The following ADGRV1 variants were observed in gnomAD, a reference collection of about 807,000 sequenced individuals.
ADGRV1 encodes the protein adhesion G protein-coupled receptor V1.
Under a neutral mutation model 596.2 loss-of-function variants are expected in ADGRV1, and 359 were observed. The ratio of observed to expected loss-of-function variants is 0.60; its 90% CI spans 0.55 to 0.66. The LOEUF (loss-of-function observed/expected upper bound fraction) is 0.66, where lower values mean the gene tolerates loss of function less well. ADGRV1 is among the 30% of genes least tolerant of loss of function. ADGRV1 has a pLI of 0.00. For synonymous variants in ADGRV1, 2,681 were observed against 2,679.2 expected, an observed-to-expected ratio of 1.00 and a Z score of -0.02; for missense variants, 7,274 against 7,575.6, an observed-to-expected ratio of 0.96 and a Z score of 1.48.
Position 90,985,368 on chromosome 5 carries a change from G to C in ADGRV1, c.17998G>C (p.Val6000Leu), listed in dbSNP as rs767259676. The C allele has an allele frequency of 5.0e-6, 8 of 1,612,608 alleles. No individual in the cohort carries two copies. Among genetic ancestry groups the C allele is most frequent in the Non-Finnish European group, 6.8e-6 (8 of 1,179,184 alleles). The change falls in exon 85 of 90, where the codon GTG becomes CTG. Residue 6000 changes from valine to leucine, a missense_variant. By Grantham distance (32) the Val-to-Leu change is conservative. Around this residue, in one of 5 missense-constraint regions of ADGRV1, gnomAD observed 1,874 missense variants for 1,970.2 expected, o/e 0.95. Coordinates refer to ENST00000405460, the MANE Select transcript of ADGRV1 (RefSeq NM_032119.4). ...GTCTGTGAATTTCTGGTACGTGCTGGTGATGAATGATGAGCACACAGAGAG... is the reference window on the plus strand; with the variant it reads ...GTCTGTGAATTTCTGGTACGTGCTGCTGATGAATGATGAGCACACAGAGAG... ...IQSVNFWYVL[V>L]MNDEHTERRY...
intron 86 of ADGRV1, among the ~76,000 whole-genome samples, chr5:91,076,779 A>G (rs1271714238): frequency 6.6e-6 from 1 of 152,176 alleles, no homozygotes; most frequent in African/African-American, 2.4e-5. Context: ...TATATTCAAC[A>G]TACTATAACT....
intron 86 of ADGRV1, among the ~76,000 whole-genome samples, chr5:91,082,422 G>A (rs1030080541): frequency 3.9e-5 from 6 of 152,064 alleles, no homozygotes; most frequent in Non-Finnish European, 8.8e-5. Context: ...AATCTCCTGG[G>A]CTCAAGAGAT....
rs1210058664 is a variant in ADGRV1 at position 90,807,605 on chromosome 5, G to T, written c.14840G>T (p.Ser4947Ile). Residue 4947 changes from serine (S) to isoleucine (I), a missense_variant, in exon 73 of 90, where the codon AGC becomes ATC. Ser to Ile is a moderately radical substitution (Grantham distance 142). Transcript: ENST00000405460. The part of the protein sequence containing the change: ...VVGNMTPTLG[S>I]LSFSHGEQRK... ...GCTTTTTCATGTTTTCTTTCAGGGAGCCTTTCATTTTCCCACGGTGAACAA... is the reference window on the plus strand; with the variant it reads ...GCTTTTTCATGTTTTCTTTCAGGGATCCTTTCATTTTCCCACGGTGAACAA... The T allele has an allele frequency of 4.3e-6, 7 of 1,610,510 alleles. No homozygotes were observed. Among genetic ancestry groups the T allele is most frequent in the Non-Finnish European group, 4.2e-6 (5 of 1,177,808 alleles).
chr5:91,079,945 G>A (rs1789195447), intron 86 of ADGRV1, among the ~76,000 whole-genome samples: 1 of 152,120 alleles, frequency 6.6e-6, no homozygotes, highest in South Asian at 2.1e-4. Flanking sequence ...TTTGCACCTT[G>A]GTGGTCCACA....
chr5:90,978,473 G>T (rs927159719), intron 84 of ADGRV1, among the ~76,000 whole-genome samples: 1 of 151,848 alleles, frequency 6.6e-6, no homozygotes, highest in Non-Finnish European at 1.5e-5. Context: ...GTTAATGGGC[G>T]CAAAAATATA....
At chr5:90,999,097 T>G (rs886769969) in intron 85 of ADGRV1, among the ~76,000 whole-genome samples, 4 of 152,040 alleles carry the variant, frequency 2.6e-5, no homozygotes, top group African/African-American at 9.7e-5. Flanking sequence ...GCTTTGTTCT[T>G]GCTCTTTTCT....
At chr5:90,960,074 G>A (rs1777863716) in intron 83 of ADGRV1, among the ~76,000 whole-genome samples, 2 of 150,964 alleles carry the variant, frequency 1.3e-5, no homozygotes, top group Admixed American at 1.3e-4. Context: ...AGGAGGTGGA[G>A]CTTGCAGTGA....
At chr5:91,106,138 T>A (rs1442140284) in intron 87 of ADGRV1, among the ~76,000 whole-genome samples, 1 of 152,100 alleles carries the variant, frequency 6.6e-6, no homozygotes, top group African/African-American at 2.4e-5. Flanking sequence ...TTGGTTTTTG[T>A]ATAGGGTGAG....
At chr5:90,898,774 G>A (rs1264189530) in intron 83 of ADGRV1, among the ~76,000 whole-genome samples, 3 of 151,928 alleles carry the variant, frequency 2.0e-5, no homozygotes, top group African/African-American at 4.8e-5. Flanking sequence ...GTGAGACCCT[G>A]TCTCTACAAA....
rs1766179569 is a variant in ADGRV1 at position 90,848,833 on chromosome 5, T to C, written c.17204+12T>C. On this transcript the variant is annotated intron_variant, in intron 79 of 89. Coordinates refer to ENST00000405460, the MANE Select transcript of ADGRV1 (RefSeq NM_032119.4). ...TCTCCTGGTGAAAAGTAAGTATCTT[T>C]TAATATATTAGCAGTACCTTTTATG... 1.3e-6 allele frequency: 2 copies of C among 1,563,910 alleles called. No individual in the cohort carries two copies. The highest frequency in any genetic ancestry group is 1.7e-6 in the Non-Finnish European group (2 of 1,158,180).
In ADGRV1 at chr5:90,811,332, A is replaced by G. The variant is rs1341636479; in HGVS notation, c.16072A>G (p.Ile5358Val). The G allele has an allele frequency of 3.1e-5, 49 of 1,598,892 alleles. No individual in the cohort carries two copies. Among genetic ancestry groups the G allele is most frequent in the Non-Finnish European group, 4.0e-5 (47 of 1,172,472 alleles). Residue 5358 changes from isoleucine (I) to valine (V), a missense_variant, in exon 74 of 90, where the codon ATT becomes GTT. By Grantham distance (29) the Ile-to-Val change is conservative. This residue lies in a region of ADGRV1 where 1,874 missense variants were observed against 1,970.2 expected (regional missense o/e 0.95). Coordinates refer to ENST00000405460, the MANE Select transcript of ADGRV1 (RefSeq NM_032119.4). ...ATTTGCAGCTTTTGCCATGGTTATT[A>G]TTACAGGTATATCTTTGAAATGATG... The part of the protein sequence containing the change: ...TGFAAFAMVI[I>V]TGSDLHNGII...
chr5:90,933,178 C>T (rs886638354), intron 83 of ADGRV1, among the ~76,000 whole-genome samples: 3 of 152,010 alleles, frequency 2.0e-5, no homozygotes, highest in Admixed American at 2.0e-4. Flanking sequence ...ATTTTGTTTA[C>T]GGCAATGAAC....
chr5:90,729,759 G>A lies in ADGRV1; in HGVS notation c.10544G>A (p.Gly3515Glu), dbSNP rs750547850. 3.1e-6 allele frequency: 5 copies of A among 1,613,410 alleles called. No homozygotes were observed. The East Asian group carries it at 1.1e-4, about 36-fold the overall frequency. Reference protein sequence around the residue: ...NRIHSFTPASGIAHILLIGQD... With the variant: ...NRIHSFTPASEIAHILLIGQD... ...ATCCACTCCTTCACACCAGCCTCAG[G>A]AATAGGTAAGGACTTTTCAACTGCT... Residue 3515 changes from glycine to glutamate, a missense_variant, in exon 50 of 90, where the codon GGA becomes GAA. Coordinates refer to ENST00000405460, the MANE Select transcript of ADGRV1 (RefSeq NM_032119.4).
At chr5:90,727,176 C>T (rs1208032830) in intron 48 of ADGRV1, among the ~76,000 whole-genome samples, 6 of 152,170 alleles carry the variant, frequency 3.9e-5, no homozygotes, top group Non-Finnish European at 8.8e-5. Flanking sequence ...TAGCCTTGAC[C>T]TCCTGGGCTC....
intron 9 of ADGRV1, among the ~76,000 whole-genome samples, chr5:90,634,162 C>T (rs1362814583): frequency 6.6e-6 from 1 of 152,066 alleles, no homozygotes; most frequent in African/African-American, 2.4e-5. Flanking sequence ...TCCTGCATTC[C>T]TGAAGTGAAC....
At chr5:90,808,645 A>C (rs903082929) in intron 73 of ADGRV1, among the ~76,000 whole-genome samples, 9 of 152,328 alleles carry the variant, frequency 5.9e-5, no homozygotes, top group Middle Eastern at 3.4e-3. Flanking sequence ...CTGTAATCCC[A>C]ACACTTTGGG....
chr5:90,936,617 G>T (rs1775718145), intron 83 of ADGRV1, among the ~76,000 whole-genome samples: 2 of 150,158 alleles, frequency 1.3e-5, no homozygotes, highest in Non-Finnish European at 1.5e-5. Flanking sequence ...ATCTTTACTT[G>T]GCTTTTAAAT....
intron 85 of ADGRV1, among the ~76,000 whole-genome samples, chr5:91,023,175 T>G (rs984332519): frequency 8.5e-5 from 13 of 152,152 alleles, no homozygotes; most frequent in Non-Finnish European, 1.6e-4. Context: ...TATATTGAAT[T>G]TTTACAGTTA....
At chr5:90,834,221 C>A (rs773044410) in intron 77 of ADGRV1, among the ~76,000 whole-genome samples, 7 of 152,042 alleles carry the variant, frequency 4.6e-5, no homozygotes, top group Non-Finnish European at 7.4e-5. Flanking sequence ...TTTCTGTGTC[C>A]TTGCTATTAA....
Sources: allele counts gnomAD v4.1 joint callset (sites outside exome capture counted in the v4.1 genomes callset), GRCh38; gene constraint gnomAD v4.1.1; regional missense constraint gnomAD v4.1.1; transcripts MANE v1.5; gene names NCBI Gene and HGNC (gene_info 2026-07-23, HGNC 2026-07-21).